The following CHRM5 variants were observed in gnomAD, a reference collection of about 807,000 sequenced individuals.
CHRM5 encodes the protein muscarinic acetylcholine receptor M5.
A neutral mutation model predicts 39.0 loss-of-function variants in CHRM5; 18 were observed. That is an observed-to-expected ratio of 0.46 (90% CI 0.32 to 0.68). CHRM5 has a LOEUF of 0.68. Ranked by LOEUF, CHRM5 falls within the 30% of genes least tolerant of loss-of-function variation. The pLI is 0.04. For synonymous variants in CHRM5, 241 were observed against 246.3 expected (o/e 0.98, Z 0.20); for missense variants, 515 against 651.1 (o/e 0.79, Z 2.28).
chr15:33,997,359 G>A (rs1896977303), intron 1 of CHRM5, among the ~76,000 whole-genome samples: 1 of 152,042 alleles, frequency 6.6e-6, no homozygotes, highest in Non-Finnish European at 1.5e-5. Context: ...GTCAAAGAAT[G>A]TGAGCAGCAG....
intron 1 of CHRM5, among the ~76,000 whole-genome samples, chr15:34,039,582 G>A (rs900103482): frequency 5.9e-5 from 9 of 152,150 alleles, no homozygotes; most frequent in African/African-American, 2.2e-4. Flanking sequence ...CGAAGTCAGG[G>A]TTCAGGAGGT....
rs1324144810 is a variant in CHRM5 at position 34,063,848 on chromosome 15, G to T, written c.1131G>T (p.Val377=). Residue 377 remains valine, a synonymous_variant, in exon 3 of 3, where the codon GTG becomes GTT. Transcript: ENST00000383263. The surrounding 1 kb of genome is among the most constrained non-coding windows in gnomAD (Gnocchi z 4.1). The part of the protein sequence containing the change: ...AAHRPKSQKC[V]AYKFRLVVKA... ...ATAGACCCAAGAGTCAGAAATGTGT[G>T]GCCTATAAGTTCCGATTGGTGGTAA... 6.2e-7 allele frequency: 1 copy of T among 1,614,058 alleles called. No individual in the cohort carries two copies. Among genetic ancestry groups the T allele is most frequent in the Non-Finnish European group, 8.5e-7 (1 of 1,180,050 alleles).
At chr15:33,987,918 T>C (rs1393854118) in intron 1 of CHRM5, among the ~76,000 whole-genome samples, 2 of 152,308 alleles carry the variant, frequency 1.3e-5, no homozygotes, top group East Asian at 1.9e-4. Context: ...CCCTGGGTTA[T>C]GGCCACACAG....
chr15:33,983,769 C>T (rs187274921), intron 1 of CHRM5, among the ~76,000 whole-genome samples: 144 of 152,054 alleles, frequency 9.5e-4, no homozygotes, highest in African/African-American at 3.3e-3. Flanking sequence ...AGAAACCTGA[C>T]GGAGGTTTCT....
At chr15:34,032,023 G>GCACACACACACA (rs10643932) in intron 1 of CHRM5, among the ~76,000 whole-genome samples, 36 of 149,038 alleles carry the variant, frequency 2.4e-4, no homozygotes, top group Middle Eastern at 6.9e-3. Flanking sequence ...GCGCGCACAC[G>GCACACACACACA]CACACACACA....
chr15:34,022,788 C>T (rs1230045207), intron 1 of CHRM5, among the ~76,000 whole-genome samples: 1 of 152,234 alleles, frequency 6.6e-6, no homozygotes, highest in Non-Finnish European at 1.5e-5. Context: ...CTTACATTTT[C>T]CTGACCTTCT....
chr15:34,003,948 G>A (rs1166441455), intron 1 of CHRM5, among the ~76,000 whole-genome samples: 1 of 152,168 alleles, frequency 6.6e-6, no homozygotes, highest in African/African-American at 2.4e-5. Flanking sequence ...AATATTGAGA[G>A]GAGACAAATT....
intron 1 of CHRM5, among the ~76,000 whole-genome samples, chr15:33,974,715 G>A (rs1041840912): frequency 6.6e-6 from 1 of 152,206 alleles, no homozygotes; most frequent in Non-Finnish European, 1.5e-5. Flanking sequence ...GCTCACGCCT[G>A]TAATCCCAGC....
intron 1 of CHRM5, among the ~76,000 whole-genome samples, chr15:34,006,839 T>C (rs1597341183): frequency 6.6e-6 from 1 of 152,216 alleles, no homozygotes; most frequent in Non-Finnish European, 1.5e-5. Flanking sequence ...CTGAAAGATG[T>C]ATCTTAAAAA....
rs1900490418 is a variant in CHRM5 at position 34,065,627 on chromosome 15, G to A, written c.*1311G>A. 1 of 152,194 alleles carries A rather than the reference G, an allele frequency of 6.6e-6. No individual in the cohort carries two copies. The highest frequency in any genetic ancestry group is 2.4e-5 in the African/African-American group (1 of 41,450). 9.4% of individuals were successfully genotyped at this position (152,194 alleles called of 1,614,324 possible). On this transcript the variant is annotated 3_prime_UTR_variant, in exon 3 of 3. Coordinates refer to ENST00000383263, the MANE Select transcript of CHRM5 (RefSeq NM_012125.4). ...AAAGCTTCATTTTTAAAAACAAAGT[G>A]TAGGTCATAGTAATACATAAAAATA...
chr15:34,051,602 T>C (rs1567489487), intron 2 of CHRM5, among the ~76,000 whole-genome samples: 1 of 144,734 alleles, frequency 6.9e-6, no homozygotes, highest in African/African-American at 2.7e-5. Context: ...ATTAGACTAA[T>C]AAAGAAGAAA....
intron 2 of CHRM5, among the ~76,000 whole-genome samples, chr15:34,052,380 A>G (rs1430860118): frequency 6.6e-6 from 1 of 152,254 alleles, no homozygotes; most frequent in Non-Finnish European, 1.5e-5. Context: ...ACAGACTCAC[A>G]GCCAATGTCA....
intron 1 of CHRM5, among the ~76,000 whole-genome samples, chr15:34,035,083 A>G (rs533795127): frequency 4.0e-4 from 61 of 152,326 alleles, no homozygotes; most frequent in African/African-American, 1.5e-3. Context: ...ATAGAAAATT[A>G]GAGATTTCCT....
chr15:33,992,344 T>C (rs548943141), intron 1 of CHRM5, among the ~76,000 whole-genome samples: 1 of 151,818 alleles, frequency 6.6e-6, no homozygotes. Flanking sequence ...GAGCCGAGAT[T>C]GCGCCACTGC....
chr15:34,060,377 G>T (rs623941), intron 2 of CHRM5, among the ~76,000 whole-genome samples: 94,190 of 151,886 alleles, frequency 0.62, 30,095 homozygotes, highest in East Asian at 0.81. Flanking sequence ...TCATCAACTC[G>T]ATTCCATATT....
rs911963365 is a variant in CHRM5, at chr15:34,037,552, T to TTA, written c.-407-8977_-407-8976dup. Among the ~76,000 whole-genome samples, 7 of 148,792 alleles carry TTA rather than the reference T, an allele frequency of 4.7e-5. No individual in the cohort carries two copies. In the South Asian group the frequency reaches 6.3e-4, roughly 13 times the overall value. ...TACATAATTCTACATTACATATATA[T>TTA]TATATATATATAATAGAGTTATAAG... On this transcript the variant is annotated intron_variant, in intron 1 of 2. Transcript: ENST00000383263.
rs1266454906 is a variant in CHRM5 at position 34,065,142 on chromosome 15, A to T, written c.*826A>T. On this transcript the variant is annotated 3_prime_UTR_variant, in exon 3 of 3. Transcript: ENST00000383263. ...GAAATTTTTTCTTTTATCTAAACAG[A>T]TATTGTGCATTCTATTTTGTGCCCA... 6.3e-6 allele frequency: 1 copy of T among 159,584 alleles called. No individual in the cohort carries two copies. Among genetic ancestry groups the T allele is most frequent in the Non-Finnish European group, 1.5e-5 (1 of 68,090 alleles). The allele number at this position is 159,584 out of a possible 1,614,324, so 9.9% of individuals were successfully genotyped here.
intron 1 of CHRM5, among the ~76,000 whole-genome samples, chr15:33,981,343 A>AT (rs1049922222): frequency 2.8e-4 from 43 of 152,226 alleles, no homozygotes; most frequent in African/African-American, 9.1e-4. Context: ...GTACTAATAT[A>AT]TTTTTTCCGG....
intron 1 of CHRM5, among the ~76,000 whole-genome samples, chr15:34,043,466 A>G (rs183758514): frequency 6.6e-6 from 1 of 152,204 alleles, no homozygotes. Context: ...TGGAAAACAC[A>G]TAAGTTTCTC....
Sources: allele counts gnomAD v4.1 joint callset (sites outside exome capture counted in the v4.1 genomes callset), GRCh38; gene constraint gnomAD v4.1.1; non-coding constraint Gnocchi (gnomAD v3.1); transcripts MANE v1.5; gene names NCBI Gene and HGNC (gene_info 2026-07-23, HGNC 2026-07-21).